HS3ST4: variants seen among roughly 807,000 people sequenced by gnomAD.
HS3ST4 encodes heparan sulfate-glucosamine 3-sulfotransferase 4.
A neutral mutation model predicts 29.2 loss-of-function variants in HS3ST4; 17 were observed. The ratio of observed to expected loss-of-function variants is 0.58; its 90% confidence interval spans 0.40 to 0.87. The LOEUF (loss-of-function observed/expected upper bound fraction) is 0.87. HS3ST4 is among the 40% of genes least tolerant of loss of function. HS3ST4 has a pLI of 0.00. For synonymous variants in HS3ST4, 314 were observed against 285.7 expected, an observed-to-expected ratio of 1.10 and a Z score of -1.00; for missense variants, 627 against 634.5, an observed-to-expected ratio of 0.99 and a Z score of 0.13.
intron 1 of HS3ST4, among the ~76,000 whole-genome samples, chr16:26,025,996 G>T (rs530428565): frequency 1.3e-5 from 2 of 151,868 alleles, no homozygotes; most frequent in Non-Finnish European, 2.9e-5. Flanking sequence ...GGCTGGTCTC[G>T]ATCTCTTGAT....
intron 1 of HS3ST4, among the ~76,000 whole-genome samples, chr16:25,857,172 A>G (rs1290086145): frequency 6.6e-6 from 1 of 152,146 alleles, no homozygotes; most frequent in Admixed American, 6.6e-5. Context: ...CTTTTAAATG[A>G]TAATTTGTCA....
chr16:25,887,951 C>A (rs936699417), intron 1 of HS3ST4, among the ~76,000 whole-genome samples: 1 of 152,120 alleles, frequency 6.6e-6, no homozygotes, highest in Admixed American at 6.5e-5. Flanking sequence ...CCTGCCTCGG[C>A]CTCCCAAATT....
At chr16:25,843,512 G>A (rs571254186) in intron 1 of HS3ST4, among the ~76,000 whole-genome samples, 3 of 152,216 alleles carry the variant, frequency 2.0e-5, no homozygotes, top group Admixed American at 1.3e-4. Context: ...TAAATCCCAT[G>A]GCCAGTCCAG....
At chr16:25,933,863 A>G (rs1351495309) in intron 1 of HS3ST4, among the ~76,000 whole-genome samples, 1 of 152,142 alleles carries the variant, frequency 6.6e-6, no homozygotes, top group Non-Finnish European at 1.5e-5. Flanking sequence ...GAACCCACTC[A>G]TTACCACAAA....
chr16:26,056,033 A>G lies in HS3ST4; in HGVS notation c.735-79579A>G, dbSNP rs566294458. ...ATGTATCCTAATTTGCATGAGAAAG[A>G]GAGAGACAGAGAGAGAGAGAGAGAG... On this transcript the variant is annotated intron_variant, in intron 1 of 1. Transcript: ENST00000331351. Among the ~76,000 whole-genome samples the G allele has an allele frequency of 5.7e-4, 32 of 56,052 alleles. No homozygotes were observed. The Admixed American group carries it at 7.8e-3, about 14-fold the overall frequency. The allele number at this position is 56,052 out of a possible 152,430, so 36.8% of individuals were successfully genotyped here.
chr16:26,097,812 G>A (rs1209713906), intron 1 of HS3ST4, among the ~76,000 whole-genome samples: 1 of 152,128 alleles, frequency 6.6e-6, no homozygotes. Flanking sequence ...CAGAATGGGA[G>A]AAAATGTTTG....
At chr16:26,045,574 TTCCCAGGATTC>T (rs1329662076) in intron 1 of HS3ST4, among the ~76,000 whole-genome samples, 2 of 152,144 alleles carry the variant, frequency 1.3e-5, no homozygotes, top group Non-Finnish European at 2.9e-5. Context: ...TTTTACCTGA[TTCCCAGGATTC>T]TCCACACTAG....
intron 1 of HS3ST4, among the ~76,000 whole-genome samples, chr16:25,798,097 A>G (rs1200089797): frequency 6.6e-6 from 1 of 152,174 alleles, no homozygotes. Context: ...GAGTTAAGTC[A>G]TCATATCTCA....
At chr16:25,898,442 T>G (rs1384050938) in intron 1 of HS3ST4, among the ~76,000 whole-genome samples, 2 of 152,230 alleles carry the variant, frequency 1.3e-5, no homozygotes, top group African/African-American at 4.8e-5. Context: ...TCCCAAACTT[T>G]CCCTTCTTGC....
Position 25,864,770 on chromosome 16 carries a change from TTG to T in HS3ST4, c.734+171629_734+171630del, listed in dbSNP as rs904610755. On this transcript the variant is annotated intron_variant, in intron 1 of 1. Coordinates refer to ENST00000331351, the MANE Select transcript of HS3ST4 (RefSeq NM_006040.3). ...ATTCCATTGTGTATATATATATTTA[TTG>T]TGTGTGTGTATACATATATTTGTTG... Among the ~76,000 whole-genome samples the T allele has an allele frequency of 2.6e-5, 4 of 151,972 alleles. No homozygotes were observed. The East Asian group carries it at 5.8e-4, about 22-fold the overall frequency.
chr16:26,008,103 A>T (rs1969274725), intron 1 of HS3ST4, among the ~76,000 whole-genome samples: 1 of 152,210 alleles, frequency 6.6e-6, no homozygotes, highest in Non-Finnish European at 1.5e-5. Context: ...TTAACAAGAG[A>T]AAGGCATATC....
At chr16:26,042,435 T>C (rs1235059940) in intron 1 of HS3ST4, among the ~76,000 whole-genome samples, 2 of 152,202 alleles carry the variant, frequency 1.3e-5, no homozygotes, top group Non-Finnish European at 2.9e-5. Context: ...GCTTTAAAGC[T>C]ATGTGGCGGT....
chr16:25,816,960 G>A (rs1163451063), intron 1 of HS3ST4, among the ~76,000 whole-genome samples: 1 of 152,052 alleles, frequency 6.6e-6, no homozygotes, highest in Non-Finnish European at 1.5e-5. Context: ...ATTCATGAGG[G>A]CAGAGCCTTT....
intron 1 of HS3ST4, among the ~76,000 whole-genome samples, chr16:25,921,308 A>G (rs1389576662): frequency 6.6e-6 from 1 of 152,208 alleles, no homozygotes; most frequent in African/African-American, 2.4e-5. Context: ...AGCCCTCACT[A>G]TGTGTCAGTT....
chr16:26,073,355 ATCTTTTCTTT>A (rs72461132), intron 1 of HS3ST4, among the ~76,000 whole-genome samples: 6,670 of 80,180 alleles, frequency 0.083, 470 homozygotes, highest in African/African-American at 0.21. Flanking sequence ...AAGAGTTCAG[ATCTTTTCTTT>A]TCTTTTCTTT....
chr16:26,086,888 C>G (rs12446601), intron 1 of HS3ST4, among the ~76,000 whole-genome samples: 11,927 of 152,194 alleles, frequency 0.078, 627 homozygotes, highest in Non-Finnish European at 0.12. Flanking sequence ...TGCATCTGCT[C>G]TGAAATGCAT....
chr16:25,979,948 C>T (rs1017932380), intron 1 of HS3ST4, among the ~76,000 whole-genome samples: 8 of 152,200 alleles, frequency 5.3e-5, no homozygotes, highest in Non-Finnish European at 1.2e-4. Context: ...CCATGCCTCT[C>T]TCTCAACTCT....
intron 1 of HS3ST4, among the ~76,000 whole-genome samples, chr16:25,892,230 G>A (rs1052658833): frequency 1.3e-5 from 2 of 152,194 alleles, no homozygotes; most frequent in Non-Finnish European, 1.5e-5. Flanking sequence ...ATCCCAGAGA[G>A]AGGGCCTGTG....
intron 1 of HS3ST4, among the ~76,000 whole-genome samples, chr16:26,117,013 A>G (rs1047072973): frequency 3.3e-5 from 5 of 152,234 alleles, no homozygotes; most frequent in African/African-American, 1.2e-4. Flanking sequence ...TTAACAGGCT[A>G]TCCTCTTGTC....
Sources: allele counts gnomAD v4.1 joint callset (sites outside exome capture counted in the v4.1 genomes callset), GRCh38; gene constraint gnomAD v4.1.1; transcripts MANE v1.5; gene names NCBI Gene and HGNC (gene_info 2026-07-23, HGNC 2026-07-21).